The following VPS13B variants were observed in gnomAD, a reference collection of about 807,000 sequenced individuals.
The protein encoded by VPS13B is intermembrane lipid transfer protein VPS13B.
VPS13B carries 285 observed loss-of-function variants against 426.4 expected under a neutral mutation model. The ratio of observed to expected loss-of-function variants is 0.67; its 90% CI spans 0.61 to 0.74. VPS13B has a LOEUF of 0.74. VPS13B is among the 30% of genes least tolerant of loss of function. The pLI is 0.00. For missense variants in VPS13B, 4,537 were observed against 4,782.6 expected (o/e 0.95, Z 1.51); for synonymous variants, 1,676 against 1,676.4 (o/e 1.00, Z 0.01).
At chr8:99,773,113 G>A (rs931189408) in intron 40 of VPS13B, among the ~76,000 whole-genome samples, 5 of 152,186 alleles carry the variant, frequency 3.3e-5, no homozygotes, top group African/African-American at 7.2e-5. Context: ...ATCATGCTAA[G>A]TAGTTTATAT....
intron 19 of VPS13B, among the ~76,000 whole-genome samples, chr8:99,308,503 A>C (rs574930727): frequency 1.3e-5 from 2 of 152,196 alleles, no homozygotes; most frequent in Non-Finnish European, 2.9e-5. Flanking sequence ...TACAAAGGAC[A>C]TGAACTCATC....
chr8:99,101,559 C>T (rs1035387179), intron 4 of VPS13B, among the ~76,000 whole-genome samples: 1 of 152,174 alleles, frequency 6.6e-6, no homozygotes, highest in Non-Finnish European at 1.5e-5. Flanking sequence ...TTAGCATCTA[C>T]TCATGGAAGA....
chr8:99,190,635 TA>T (rs1283650817), intron 16 of VPS13B, among the ~76,000 whole-genome samples: 1 of 152,150 alleles, frequency 6.6e-6, no homozygotes, highest in African/African-American at 2.4e-5. Flanking sequence ...ATCTTTTACT[TA>T]TCACAGCTAC....
chr8:99,601,902 T>C (rs1294679950), intron 33 of VPS13B, among the ~76,000 whole-genome samples: 1 of 152,246 alleles, frequency 6.6e-6, no homozygotes, highest in East Asian at 1.9e-4. Flanking sequence ...ATTAGCACTT[T>C]GTCAGATGGG....
intron 5 of VPS13B, among the ~76,000 whole-genome samples, chr8:99,108,297 G>A (rs1847161501): frequency 6.6e-6 from 1 of 152,132 alleles, no homozygotes; most frequent in Non-Finnish European, 1.5e-5. Flanking sequence ...GTATAGTGCT[G>A]CAATGAACAT....
intron 19 of VPS13B, among the ~76,000 whole-genome samples, chr8:99,323,947 G>C (rs940724992): frequency 3.9e-5 from 6 of 152,124 alleles, no homozygotes; most frequent in African/African-American, 1.4e-4. Flanking sequence ...ACGTTTTGTG[G>C]TTTCGCCTCA....
intron 19 of VPS13B, chr8:99,346,656 TC>T: frequency 5.6e-6 from 1 of 179,476 alleles, no homozygotes. Context: ...GTCTTTGCCT[TC>T]CCACTTGTCA....
At chr8:99,201,904 G>C (rs932597035) in intron 17 of VPS13B, among the ~76,000 whole-genome samples, 2 of 152,144 alleles carry the variant, frequency 1.3e-5, no homozygotes, top group Non-Finnish European at 2.9e-5. Flanking sequence ...AGGTCAGTTT[G>C]TTTCATTAAG....
intron 19 of VPS13B, among the ~76,000 whole-genome samples, chr8:99,383,524 A>G (rs180817146): frequency 1.2e-4 from 19 of 152,240 alleles, no homozygotes; most frequent in Admixed American, 2.6e-4. Flanking sequence ...GTGTGATTCA[A>G]TGTTTTATAG....
intron 5 of VPS13B, 21 bp from the exon 6 acceptor site, chr8:99,111,077 A>C: frequency 6.3e-7 from 1 of 1,594,176 alleles, no homozygotes; most frequent in Non-Finnish European, 8.5e-7. Context: ...TTTTACTTAA[A>C]ATGTTTTTTT....
At chr8:99,676,746 G>A (rs960284373) in intron 35 of VPS13B, among the ~76,000 whole-genome samples, 1 of 151,908 alleles carries the variant, frequency 6.6e-6, no homozygotes, top group East Asian at 1.9e-4. Flanking sequence ...GGGGATGATC[G>A]CTGAAGAGTC....
At chr8:99,207,564 A>G (rs1035462894) in intron 17 of VPS13B, among the ~76,000 whole-genome samples, 2 of 152,194 alleles carry the variant, frequency 1.3e-5, no homozygotes, top group African/African-American at 4.8e-5. Context: ...ATTTAAGTAT[A>G]TTTTATTGGA....
At chr8:99,594,395 G>C (rs1588530996) in intron 33 of VPS13B, among the ~76,000 whole-genome samples, 2 of 152,058 alleles carry the variant, frequency 1.3e-5, no homozygotes, top group South Asian at 4.2e-4. Flanking sequence ...TTGGGAAGCT[G>C]TTTCTTAAGC....
intron 33 of VPS13B, among the ~76,000 whole-genome samples, chr8:99,634,468 A>G (rs1389182033): frequency 5.3e-5 from 8 of 152,004 alleles, no homozygotes; most frequent in Non-Finnish European, 1.0e-4. Context: ...AACTTCATGA[A>G]AGGGAAAACT....
intron 35 of VPS13B, among the ~76,000 whole-genome samples, chr8:99,665,844 A>G (rs1002347373): frequency 6.6e-6 from 1 of 151,922 alleles, no homozygotes; most frequent in Admixed American, 6.5e-5. Context: ...AGTTTTTTCC[A>G]ATTCTGTGAG....
intron 4 of VPS13B, 53 bp from the exon 5 acceptor site, chr8:99,102,900 A>C: frequency 2.7e-6 from 4 of 1,462,740 alleles, no homozygotes; most frequent in Non-Finnish European, 3.8e-6. Flanking sequence ...TTAAGAAATA[A>C]TTATTTACTG....
intron 8 of VPS13B, among the ~76,000 whole-genome samples, chr8:99,130,633 G>T (rs1373725210): frequency 3.3e-5 from 5 of 151,978 alleles, no homozygotes; most frequent in African/African-American, 1.2e-4. Context: ...CTCGTGATCC[G>T]CCCACCTCGG....
At chr8:99,134,777 A>G (rs375793526) in intron 9 of VPS13B, 50 bp downstream of exon 9, 110 of 1,423,624 alleles carry the variant, frequency 7.7e-5, no homozygotes, top group Non-Finnish European at 1.0e-4. Flanking sequence ...GTTCTTTAAT[A>G]TTTTATAAAT....
At chr8:99,529,329 T>G (rs1023374449) in intron 30 of VPS13B, among the ~76,000 whole-genome samples, 24 of 152,156 alleles carry the variant, frequency 1.6e-4, no homozygotes, top group Admixed American at 1.2e-3. Flanking sequence ...TGCTTGTATT[T>G]AAACTCAATA....
Sources: gnomAD v4.1 joint callset for allele counts (sites outside exome capture counted in the v4.1 genomes callset) on GRCh38, gnomAD v4.1.1 for gene constraint, MANE v1.5 for transcripts, NCBI Gene and HGNC (gene_info 2026-07-23, HGNC 2026-07-21) for gene names.